Variants in ZNF385B observed in about 807,000 individuals in gnomAD.
ZNF385B encodes zinc finger protein 533.
In ZNF385B, 23 loss-of-function variants were observed where a neutral mutation model predicts 39.2. The ratio of observed to expected loss-of-function variants is 0.59; its 90% CI spans 0.42 to 0.83. The LOEUF (loss-of-function observed/expected upper bound fraction) is 0.83, where lower values mean the gene tolerates loss of function less well. Ranked by LOEUF, ZNF385B falls within the 40% of genes least tolerant of loss-of-function variation. The pLI is 0.00. For missense variants in ZNF385B, 552 were observed against 598.9 expected, an observed-to-expected ratio of 0.92 and a Z score of 0.82; for synonymous variants, 205 against 222.6, an observed-to-expected ratio of 0.92 and a Z score of 0.70.
intron 3 of ZNF385B, among the ~76,000 whole-genome samples, chr2:179,665,643 T>A (rs766974770): frequency 3.5e-4 from 53 of 152,188 alleles, no homozygotes; most frequent in Admixed American, 2.9e-3. Flanking sequence ...TTTGCACAAC[T>A]GGACACATCA....
At chr2:179,763,533 T>C (rs1559172771) in intron 3 of ZNF385B, among the ~76,000 whole-genome samples, 1 of 152,186 alleles carries the variant, frequency 6.6e-6, no homozygotes, top group Non-Finnish European at 1.5e-5. Context: ...ACTTTCTTCC[T>C]TCCATTTGCT....
intron 3 of ZNF385B, among the ~76,000 whole-genome samples, chr2:179,589,895 T>A (rs1163903378): frequency 6.6e-6 from 1 of 152,236 alleles, no homozygotes; most frequent in East Asian, 1.9e-4. Flanking sequence ...ATCTGCTAAT[T>A]TTTCTTTTGT....
At chr2:179,515,875 A>C (rs1293607688) in intron 5 of ZNF385B, among the ~76,000 whole-genome samples, 1 of 152,146 alleles carries the variant, frequency 6.6e-6, no homozygotes, top group Non-Finnish European at 1.5e-5. Flanking sequence ...TAAAGTTATA[A>C]AATATTTTCA....
chr2:179,836,619 C>T (rs532012528), intron 1 of ZNF385B, among the ~76,000 whole-genome samples: 8 of 150,426 alleles, frequency 5.3e-5, no homozygotes, highest in African/African-American at 9.8e-5. Context: ...CCCGGGTTCA[C>T]GCCATTCTCC....
At chr2:179,518,982 T>C (rs976154492) in intron 4 of ZNF385B, among the ~76,000 whole-genome samples, 6 of 152,072 alleles carry the variant, frequency 3.9e-5, no homozygotes, top group African/African-American at 1.4e-4. Flanking sequence ...AGGTTAAAAT[T>C]AACTTTTATT....
rs1473480985 is a variant in ZNF385B, at chr2:179,483,255, C to T, written c.715+17G>A. On this transcript the variant is annotated intron_variant, in intron 6 of 9. Transcript: ENST00000410066. ...GGAGAAACACAAAGAATGTAAAGAA[C>T]AAAAAGTGTCATTGACCTGATTTGT... The T allele has an allele frequency of 6.2e-7, 1 of 1,613,404 alleles. No homozygotes were observed. The highest frequency in any genetic ancestry group is 1.7e-5 in the Admixed American group (1 of 59,932).
chr2:179,828,118 T>G (rs1478566292), intron 1 of ZNF385B, among the ~76,000 whole-genome samples: 1 of 152,176 alleles, frequency 6.6e-6, no homozygotes, highest in Non-Finnish European at 1.5e-5. Flanking sequence ...TATCAATTGA[T>G]ATTTGAGTAT....
chr2:179,813,629 T>C (rs996915809), intron 1 of ZNF385B, among the ~76,000 whole-genome samples: 10 of 152,162 alleles, frequency 6.6e-5, no homozygotes, highest in African/African-American at 2.2e-4. Context: ...CACCCTATAG[T>C]AGTCAAATAA....
intron 3 of ZNF385B, among the ~76,000 whole-genome samples, 153 bp from the exon 4 acceptor site, chr2:179,545,122 A>G (rs894011729): frequency 7.2e-5 from 11 of 152,222 alleles, no homozygotes; most frequent in African/African-American, 2.4e-4. Context: ...AGTAAACACA[A>G]TAAAAAGGAT....
At chr2:179,761,761 C>CTTTTTTTTTTTT (rs34325728) in intron 3 of ZNF385B, among the ~76,000 whole-genome samples, 9 of 110,286 alleles carry the variant, frequency 8.2e-5, no homozygotes, top group Non-Finnish European at 1.4e-4. Flanking sequence ...TTTTTCTTTT[C>CTTTTTTTTTTTT]TTTTTTTTTT....
chr2:179,472,686 G>A (rs2052914124), intron 6 of ZNF385B, among the ~76,000 whole-genome samples: 1 of 152,214 alleles, frequency 6.6e-6, no homozygotes, highest in Admixed American at 6.5e-5. Flanking sequence ...GGGCTGACAA[G>A]TTTCTGCTTT....
intron 3 of ZNF385B, among the ~76,000 whole-genome samples, chr2:179,718,110 C>A (rs1700447853): frequency 2.0e-5 from 3 of 152,044 alleles, no homozygotes; most frequent in Non-Finnish European, 4.4e-5. Context: ...ATTAATGAGA[C>A]TTCATTATTC....
At position 179,554,303 on chromosome 2, in the gene ZNF385B, A is replaced by G. The variant is rs1203552016; in HGVS notation, c.299-9334T>C. On this transcript the variant is annotated intron_variant, in intron 3 of 9. Transcript: ENST00000410066. ...TAGGTTCAAGAGAGAAAGAAATTGC[A>G]TCTGGTTCATAAATGGGGTTCATAA... is the stretch of plus-strand genomic sequence containing the variant. 2.7e-5 allele frequency among the ~76,000 whole-genome samples: 4 copies of G among 149,496 alleles called. 1 individual carries two copies. Among genetic ancestry groups the G allele is most frequent in the Admixed American group, 2.7e-4 (4 of 15,006 alleles).
chr2:179,613,963 C>T (rs1012245813), intron 3 of ZNF385B, among the ~76,000 whole-genome samples: 1 of 150,052 alleles, frequency 6.7e-6, no homozygotes, highest in African/African-American at 2.5e-5. Context: ...CAGCTGAGTT[C>T]TGCCTGGTGT....
chr2:179,703,364 T>A (rs1267231296), intron 3 of ZNF385B, among the ~76,000 whole-genome samples: 1 of 152,174 alleles, frequency 6.6e-6, no homozygotes, highest in African/African-American at 2.4e-5. Flanking sequence ...CTGTCTTAAC[T>A]ATCAACCCCA....
chr2:179,769,983 T>G (rs142028434), intron 2 of ZNF385B, among the ~76,000 whole-genome samples, 181 bp from the exon 3 acceptor site: 156 of 152,166 alleles, frequency 1.0e-3, no homozygotes, highest in African/African-American at 3.6e-3. Flanking sequence ...TGAATGTGAG[T>G]TCCTTGTGCC....
chr2:179,762,892 T>A (rs994983901), intron 3 of ZNF385B, among the ~76,000 whole-genome samples: 4 of 152,156 alleles, frequency 2.6e-5, no homozygotes, highest in Admixed American at 2.0e-4. Context: ...ATTCAGATTG[T>A]CTACTTTTAA....
intron 9 of ZNF385B, 123 bp downstream of exon 9, chr2:179,444,753 A>G (rs1177376250): frequency 7.4e-6 from 6 of 809,670 alleles, no homozygotes; most frequent in East Asian, 5.0e-5. Context: ...ACTTCTGTCT[A>G]TGAGGGCTAT....
At chr2:179,805,444 C>A (rs1706290750) in intron 1 of ZNF385B, among the ~76,000 whole-genome samples, 1 of 152,224 alleles carries the variant, frequency 6.6e-6, no homozygotes, top group Non-Finnish European at 1.5e-5. Flanking sequence ...AAACACCATT[C>A]ATGAAACTCC....
Sources: gnomAD v4.1 joint callset for allele counts (sites outside exome capture counted in the v4.1 genomes callset) on GRCh38, gnomAD v4.1.1 for gene constraint, MANE v1.5 for transcripts, NCBI Gene and HGNC (gene_info 2026-07-23, HGNC 2026-07-21) for gene names.